The following YJU2 variants were observed in gnomAD, a reference collection of about 807,000 sequenced individuals.
YJU2 encodes the protein splicing factor YJU2.
A neutral mutation model predicts 39.6 loss-of-function variants in YJU2; 28 were observed. The observed-to-expected ratio is 0.71, with a 90% CI of 0.52 to 0.97. The LOEUF (loss-of-function observed/expected upper bound fraction) is 0.97. Ranked by LOEUF, YJU2 falls within the 50% of genes least tolerant of loss-of-function variation. The pLI is 0.00. For synonymous variants in YJU2, 184 were observed against 182.4 expected (o/e 1.01, Z -0.07); for missense variants, 328 against 430.4 (o/e 0.76, Z 2.11).
intron 6 of YJU2, among the ~76,000 whole-genome samples, chr19:4,264,609 C>T (rs2144699674): frequency 6.6e-6 from 1 of 152,094 alleles, no homozygotes; most frequent in South Asian, 2.1e-4. Context: ...GCCTCAGCCT[C>T]CCAAGTAGCT....
chr19:4,256,250 A>C (rs7256426), intron 4 of YJU2, among the ~76,000 whole-genome samples: 59,826 of 148,708 alleles, frequency 0.4, 13,976 homozygotes, highest in African/African-American at 0.64. Context: ...ATATATATAT[A>C]AAACAGATTT....
intron 3 of YJU2, among the ~76,000 whole-genome samples, chr19:4,252,422 C>T (rs934110402): frequency 7.0e-6 from 1 of 142,572 alleles, no homozygotes; most frequent in East Asian, 2.1e-4. Context: ...CACAGTGAAA[C>T]CCCGTCTCTA....
At chr19:4,265,949 C>T (rs1195144067) in intron 6 of YJU2, among the ~76,000 whole-genome samples, 2 of 144,332 alleles carry the variant, frequency 1.4e-5, no homozygotes, top group East Asian at 2.0e-4. Context: ...CCCAGAGCTA[C>T]GACATTTTTT....
chr19:4,247,893 T>C (rs1970944314), intron 1 of YJU2: 1 of 151,412 alleles, frequency 6.6e-6, no homozygotes. Context: ...TGAGATGGAG[T>C]TTTGCGCTTG....
chr19:4,266,079 G>A (rs1031329558), intron 6 of YJU2, among the ~76,000 whole-genome samples: 3 of 151,328 alleles, frequency 2.0e-5, no homozygotes, highest in African/African-American at 7.3e-5. Flanking sequence ...TCAGTCTCCC[G>A]AGTAGCTGGG....
chr19:4,252,969 A>G (rs1970989496), intron 3 of YJU2, among the ~76,000 whole-genome samples: 1 of 151,084 alleles, frequency 6.6e-6, no homozygotes, highest in Non-Finnish European at 1.5e-5. Flanking sequence ...CTGAAGATTT[A>G]CAGAAAAGTT....
intron 6 of YJU2, among the ~76,000 whole-genome samples, chr19:4,266,539 C>T (rs1971116734): frequency 6.6e-6 from 1 of 152,102 alleles, no homozygotes. Context: ...GCTCACGCAC[C>T]CTGGCTTCTC....
At chr19:4,261,266 C>T (rs1416203428) in intron 5 of YJU2, among the ~76,000 whole-genome samples, 1 of 152,070 alleles carries the variant, frequency 6.6e-6, no homozygotes, top group Non-Finnish European at 1.5e-5. Flanking sequence ...CTGTGGTTCT[C>T]ACATAAACCA....
chr19:4,267,517 C>T, intron 6 of YJU2, 107 bp from the exon 7 acceptor site: 1 of 1,196,684 alleles, frequency 8.4e-7, no homozygotes, highest in Non-Finnish European at 1.2e-6. Flanking sequence ...GTGGTCAGTG[C>T]AGCAGTGGAA....
Position 4,247,085 on chromosome 19 carries a change from AGCTC to A in YJU2, c.-60_-57del. ...GCGGAAGTAAGGCTTCCGTCGGAAA[AGCTC>A]GATAATTACCCAGCCTAACCATTTC... On this transcript the variant is annotated 5_prime_UTR_variant, in exon 1 of 8. Coordinates refer to ENST00000262962, the MANE Select transcript of YJU2 (RefSeq NM_018074.6). 6.6e-7 allele frequency: 1 copy of A among 1,524,860 alleles called. No homozygotes were observed. Among genetic ancestry groups the A allele is most frequent in the Admixed American group, 1.7e-5 (1 of 59,872 alleles). 94.5% of individuals were successfully genotyped at this position (1,524,860 alleles called of 1,614,324 possible). A position where few individuals can be genotyped will look rare whatever the true frequency, so the allele number is the denominator to read the frequency against.
rs144896215 is a variant in YJU2, at chr19:4,267,632, G to C, written c.717G>C (p.Lys239Asn). Residue 239 changes from lysine (K) to asparagine (N), a missense_variant, in exon 7 of 8, where the codon AAG becomes AAC. By Grantham distance (94) the Lys-to-Asn change is moderately conservative. Around this residue, in one of 2 missense-constraint regions of YJU2, gnomAD observed 244 missense variants for 264.6 expected, o/e 0.92. Coordinates refer to ENST00000262962, the MANE Select transcript of YJU2 (RefSeq NM_018074.6). ...NPTAILDEAPKPKRKVEVWEQ... is the reference protein window; with the variant it reads ...NPTAILDEAPNPKRKVEVWEQ... Reference sequence around the variant, plus strand: ...GTCCCCATCACCTGCAGGCCCCAAAGCCCAAGAGGAAGGTGGAGGTCTGGG... The same window carrying C: ...GTCCCCATCACCTGCAGGCCCCAAACCCCAAGAGGAAGGTGGAGGTCTGGG... 6.2e-7 allele frequency: 1 copy of C among 1,612,922 alleles called. No homozygotes were observed. The highest frequency in any genetic ancestry group is 1.1e-5 in the South Asian group (1 of 91,016).
At chr19:4,248,713 G>A (rs1159112437) in intron 1 of YJU2, among the ~76,000 whole-genome samples, 1 of 152,178 alleles carries the variant, frequency 6.6e-6, no homozygotes, top group Non-Finnish European at 1.5e-5. Flanking sequence ...GAGGTCAGGA[G>A]TTCGAGACTA....
rs1970939612 is a variant in YJU2, at chr19:4,247,645, GTGTGTGTGT to G, written c.24+476_24+484del. Among the ~76,000 whole-genome samples the G allele has an allele frequency of 1.4e-3, 93 of 67,674 alleles. 2 individuals carry two copies. The highest frequency in any genetic ancestry group is 2.0e-3 in the Admixed American group (13 of 6,594). 44.4% of individuals were successfully genotyped at this position (67,674 alleles called of 152,430 possible). A position where few individuals can be genotyped will look rare whatever the true frequency, so the allele number is the denominator to read the frequency against. ...TGTGTGTGTGTGTGTGTGTGTGTGT[GTGTGTGTGT>G]GTGTGTGTGTGTGTGTGTGTGTGTG... On this transcript the variant is annotated intron_variant, in intron 1 of 7. Transcript: ENST00000262962.
At chr19:4,258,107 G>A (rs1231076563) in intron 4 of YJU2, 135 bp from the exon 5 acceptor site, 20 of 1,308,370 alleles carry the variant, frequency 1.5e-5, no homozygotes, top group Non-Finnish European at 3.1e-6. Flanking sequence ...GGCATGGGCA[G>A]GGGGTTCCCT....
chr19:4,254,373 G>A lies in YJU2; in HGVS notation c.289G>A (p.Asp97Asn). 3.7e-6 allele frequency: 6 copies of A among 1,613,712 alleles called. No homozygotes were observed. Among genetic ancestry groups the A allele is most frequent in the Non-Finnish European group, 5.1e-6 (6 of 1,179,818 alleles). The stretch of plus-strand genomic sequence containing the variant: ...CCTGCAGACAGACCCTGAAAACACA[G>A]ACTACACCATGGAGCATGGAGCCAC... ...ITFKTDPENT[D>N]YTMEHGATRN... The change falls in exon 4 of 8, where the codon GAC (aspartate) becomes AAC (asparagine). Residue 97 changes from aspartate (D) to asparagine (N), a missense_variant. Asp to Asn is a conservative substitution (Grantham distance 23). This residue lies in a region of YJU2 where 84 missense variants were observed against 165.8 expected (regional missense o/e 0.51). Transcript: ENST00000262962.
chr19:4,264,659 G>A (rs1210594623), intron 6 of YJU2, among the ~76,000 whole-genome samples: 4 of 151,840 alleles, frequency 2.6e-5, no homozygotes, highest in African/African-American at 9.7e-5. Flanking sequence ...GCTAATTTTT[G>A]TATTTTTAGT....
chr19:4,251,644 C>T (rs781634109), intron 3 of YJU2, among the ~76,000 whole-genome samples: 35 of 150,398 alleles, frequency 2.3e-4, no homozygotes, highest in African/African-American at 5.9e-4. Flanking sequence ...AAGATTGCAC[C>T]GCTATACTCC....
chr19:4,247,783 T>C (rs1426854868), intron 1 of YJU2, among the ~76,000 whole-genome samples: 2 of 151,546 alleles, frequency 1.3e-5, no homozygotes, highest in Non-Finnish European at 2.9e-5. Context: ...GTCATGCAGA[T>C]AACCTCTGCC....
chr19:4,262,651 G>A (rs1971081632), intron 6 of YJU2, among the ~76,000 whole-genome samples: 1 of 151,976 alleles, frequency 6.6e-6, no homozygotes, highest in South Asian at 2.1e-4. Context: ...GCTCATGCCT[G>A]TAATCCCAGC....
Sources: gnomAD v4.1 joint callset for allele counts (sites outside exome capture counted in the v4.1 genomes callset) on GRCh38, gnomAD v4.1.1 for gene constraint, gnomAD v4.1.1 regional missense constraint, MANE v1.5 for transcripts, NCBI Gene and HGNC (gene_info 2026-07-23, HGNC 2026-07-21) for gene names.